EML4: variants seen among roughly 807,000 people sequenced by gnomAD.
EML4 encodes the protein echinoderm microtubule-associated protein-like 4.
Under a neutral mutation model 129.0 loss-of-function variants are expected in EML4, and 72 were observed. The ratio of observed to expected loss-of-function variants is 0.56; its 90% CI spans 0.46 to 0.68. EML4 has a LOEUF of 0.68. Among genes scored for constraint, EML4 ranks in the 30% least tolerant of loss-of-function variants. The pLI is 0.00. For missense variants in EML4, 1,363 were observed against 1,190.6 expected (o/e 1.14, Z -2.13); for synonymous variants, 532 against 405.0 (o/e 1.31, Z -3.77).
intron 13 of EML4, among the ~76,000 whole-genome samples, chr2:42,300,751 T>C (rs1046508445): frequency 4.6e-5 from 7 of 152,196 alleles, no homozygotes; most frequent in Non-Finnish European, 1.0e-4. Flanking sequence ...CAACCAAAGA[T>C]GTTTTTGCAA....
intron 6 of EML4, among the ~76,000 whole-genome samples, chr2:42,271,928 C>T (rs1322116448): frequency 6.6e-6 from 1 of 152,080 alleles, no homozygotes; most frequent in Non-Finnish European, 1.5e-5. Flanking sequence ...CATGGCAAAA[C>T]CCCATCTCTA....
chr2:42,329,917 G>A lies in EML4; in HGVS notation c.2656G>A (p.Val886Ile), dbSNP rs377618554. ...VADTTLTKAP[V>I]SSTESVIQSN... ...GGATACTACTCTAACCAAAGCCCCC[G>A]TCTCTTCCACTGAAAGTGTCATCCA... The change falls in exon 23 of 23, where the codon GTC becomes ATC. Residue 886 changes from valine (V) to isoleucine (I), a missense_variant. Val to Ile is a conservative substitution (Grantham distance 29). Transcript: ENST00000318522. 29 of 1,613,738 alleles carry A rather than the reference G, an allele frequency of 1.8e-5. No homozygotes were observed. Among genetic ancestry groups the A allele is most frequent in the African/African-American group, 2.7e-5 (2 of 74,794 alleles).
intron 19 of EML4, among the ~76,000 whole-genome samples, chr2:42,318,011 T>C (rs940531095): frequency 6.6e-5 from 10 of 152,244 alleles, no homozygotes; most frequent in Non-Finnish European, 5.9e-5. Context: ...TCTGCCTTAA[T>C]TGGGTTATAA....
chr2:42,317,797 A>G (rs771772996), intron 19 of EML4, among the ~76,000 whole-genome samples: 1 of 152,252 alleles, frequency 6.6e-6, no homozygotes. Context: ...AAACCTTTAG[A>G]ATAACACTTT....
chr2:42,264,848 T>C, intron 6 of EML4, 117 bp downstream of exon 6: 1 of 1,468,634 alleles, frequency 6.8e-7, no homozygotes, highest in Admixed American at 2.1e-5. Context: ...CAAAGAAAAG[T>C]GCGTTACTGT....
chr2:42,288,365 A>G lies in EML4; in HGVS notation c.1218+43A>G, dbSNP rs774136226. 8 of 1,007,182 alleles carry G rather than the reference A, an allele frequency of 7.9e-6. No homozygotes were observed. The South Asian group carries it at 1.1e-4, about 14-fold the overall frequency. 62.4% of individuals were successfully genotyped at this position (1,007,182 alleles called of 1,614,324 possible). ...CGAGTATTGTGTTTTAGAGTACGTT[A>G]CTTGTTTTGCAGGTATTTGGAACTA... is the stretch of plus-strand genomic sequence containing the variant. On this transcript the variant is annotated intron_variant, in intron 11 of 22. Transcript: ENST00000318522.
chr2:42,202,691 C>G (rs1158408887), intron 1 of EML4, among the ~76,000 whole-genome samples: 1 of 152,126 alleles, frequency 6.6e-6, no homozygotes, highest in Non-Finnish European at 1.5e-5. Flanking sequence ...TGCTTTTATT[C>G]TGGCTGTGCT....
chr2:42,218,687 A>G (rs1037380750), intron 1 of EML4, among the ~76,000 whole-genome samples: 11 of 152,220 alleles, frequency 7.2e-5, no homozygotes, highest in African/African-American at 2.7e-4. Context: ...GTTCCTATCC[A>G]TACAGCACAA....
chr2:42,200,102 G>T lies in EML4; in HGVS notation c.25+30466G>T, dbSNP rs549513060. Among the ~76,000 whole-genome samples the T allele has an allele frequency of 2.2e-3, 317 of 142,506 alleles. 1 individual carries two copies. The highest frequency in any genetic ancestry group is 3.3e-3 in the Non-Finnish European group (221 of 66,886). 93.5% of individuals were successfully genotyped at this position (142,506 alleles called of 152,430 possible). A position where few individuals can be genotyped will look rare whatever the true frequency, so the allele number is the denominator to read the frequency against. On this transcript the variant is annotated intron_variant, in intron 1 of 22. Transcript: ENST00000318522. ...AGGCGGGCAGATCGCGAAGTCAGGA[G>T]ATTGAGACCATCCTGGCTAACATGG...
At chr2:42,239,565 G>A (rs1197102991) in intron 1 of EML4, among the ~76,000 whole-genome samples, 1 of 152,080 alleles carries the variant, frequency 6.6e-6, no homozygotes, top group Non-Finnish European at 1.5e-5. Context: ...CTGGATCTCC[G>A]TTTTCTCTTC....
chr2:42,256,491 T>G lies in EML4; in HGVS notation c.209-10T>G, dbSNP rs780325103. ...AATTTGATATAATTTTTTTCCTTAATTATCTTTAGGCCAACCAAGCCCTCG... is the reference window on the plus strand; with the variant it reads ...AATTTGATATAATTTTTTTCCTTAAGTATCTTTAGGCCAACCAAGCCCTCG... On this transcript the variant is annotated splice_polypyrimidine_tract_variant and intron_variant, in intron 2 of 22. Transcript: ENST00000318522. 1 of 1,578,488 alleles carries G rather than the reference T, an allele frequency of 6.3e-7. No homozygotes were observed. The highest frequency in any genetic ancestry group is 1.2e-5 in the South Asian group (1 of 84,218).
At chr2:42,293,673 G>A (rs1395418543) in intron 11 of EML4, among the ~76,000 whole-genome samples, 1 of 152,132 alleles carries the variant, frequency 6.6e-6, no homozygotes, top group Non-Finnish European at 1.5e-5. Context: ...GCGCAGTGGT[G>A]CAATCTCAGC....
At chr2:42,256,056 T>A (rs1307452775) in intron 2 of EML4, among the ~76,000 whole-genome samples, 2 of 152,232 alleles carry the variant, frequency 1.3e-5, no homozygotes, top group Non-Finnish European at 2.9e-5. Flanking sequence ...AGAGGTTAAC[T>A]TTATATACTT....
intron 1 of EML4, among the ~76,000 whole-genome samples, chr2:42,180,882 G>C (rs1167062758): frequency 2.0e-5 from 3 of 152,266 alleles, no homozygotes; most frequent in Non-Finnish European, 2.9e-5. Context: ...CAGTTCCTTA[G>C]TCTTCCTTGG....
chr2:42,222,266 TAACAGTTTA>T (rs150254162), intron 1 of EML4, among the ~76,000 whole-genome samples: 1,918 of 152,274 alleles, frequency 0.013, 42 homozygotes, highest in African/African-American at 0.044. Flanking sequence ...TAACCCCTGT[TAACAGTTTA>T]ATTTGTGTCT....
intron 1 of EML4, among the ~76,000 whole-genome samples, chr2:42,235,500 G>A (rs151095217): frequency 6.6e-6 from 1 of 152,156 alleles, no homozygotes; most frequent in East Asian, 1.9e-4. Flanking sequence ...ACAGTGTGTG[G>A]TATTGTTACT....
intron 1 of EML4, among the ~76,000 whole-genome samples, chr2:42,236,177 T>C (rs1674662958): frequency 6.6e-6 from 1 of 152,238 alleles, no homozygotes; most frequent in Non-Finnish European, 1.5e-5. Context: ...TTGTATGTTT[T>C]TGAACTTTAT....
At chr2:42,306,292 C>G (rs1419926756) in intron 17 of EML4, among the ~76,000 whole-genome samples, 2 of 151,064 alleles carry the variant, frequency 1.3e-5, no homozygotes, top group Non-Finnish European at 3.0e-5. Context: ...TTTCTTCAAC[C>G]AAAAAAAATG....
chr2:42,245,505 A>G lies in EML4; in HGVS notation c.26A>G (p.Asp9Gly). The change falls in exon 2 of 23, where the codon GAT (aspartate) becomes GGT (glycine). Residue 9 changes from aspartate (D) to glycine (G), a missense_variant and splice_region_variant. Physicochemically the swap from Asp to Gly is moderately conservative, Grantham distance 94. Transcript: ENST00000318522. Reference protein sequence around the residue: MDGFAGSLDDSISAASTSD... With the variant: MDGFAGSLGDSISAASTSD... ...TTCCATATTTTATTTTATTTTATAG[A>G]TGATAGTATTTCTGCTGCAAGTACT... is the stretch of plus-strand genomic sequence containing the variant. The G allele has an allele frequency of 1.9e-6, 3 of 1,603,026 alleles. No homozygotes were observed. Among genetic ancestry groups the G allele is most frequent in the Non-Finnish European group, 1.7e-6 (2 of 1,172,744 alleles).
Sources: gnomAD v4.1 joint callset for allele counts (sites outside exome capture counted in the v4.1 genomes callset) on GRCh38, gnomAD v4.1.1 for gene constraint, MANE v1.5 for transcripts, NCBI Gene and HGNC (gene_info 2026-07-23, HGNC 2026-07-21) for gene names.